The following JHY variants were observed in gnomAD, a reference collection of about 807,000 sequenced individuals.
JHY encodes the protein jhy protein homolog.
JHY carries 69 observed loss-of-function variants against 78.0 expected under a neutral mutation model. The observed-to-expected ratio is 0.88, with a 90% CI of 0.73 to 1.08. The LOEUF (loss-of-function observed/expected upper bound fraction) is 1.08, where lower values mean the gene tolerates loss of function less well. Ranked by LOEUF, JHY falls within the 50% of genes least tolerant of loss-of-function variation. The pLI is 0.00. For missense variants in JHY, 944 were observed against 927.8 expected, an observed-to-expected ratio of 1.02 and a Z score of -0.23; for synonymous variants, 368 against 342.6, an observed-to-expected ratio of 1.07 and a Z score of -0.82.
rs1555053813 is a variant in JHY, at chr11:122,921,976, GA to G, written c.865-2911del. 9.5e-5 allele frequency among the ~76,000 whole-genome samples: 14 copies of G among 148,048 alleles called. No homozygotes were observed. In the East Asian group the frequency reaches 1.8e-3, roughly 19 times the overall value. ...AGCCTGGACCACAGAGCAAGATCTG[GA>G]AAAAAAAAAGAGAGAGAAAGAAGAG... On this transcript the variant is annotated intron_variant, in intron 3 of 8. Transcript: ENST00000227349.
rs1329006044 is a variant in JHY, at chr11:122,960,138, G to T, written c.*693G>T. 1.3e-5 allele frequency among the ~76,000 whole-genome samples: 2 copies of T among 152,134 alleles called. No individual in the cohort carries two copies. The highest frequency in any genetic ancestry group is 4.8e-5 in the African/African-American group (2 of 41,422). On this transcript the variant is annotated 3_prime_UTR_variant, in exon 9 of 9. Coordinates refer to ENST00000227349, the MANE Select transcript of JHY (RefSeq NM_024806.4). ...AGTTCCAGGTACTCAGGAGGCTGAG[G>T]CACAAGAATTGCTTGAACCCGGGAG...
chr11:122,931,467 C>G (rs1372668357), intron 4 of JHY, among the ~76,000 whole-genome samples: 2 of 152,306 alleles, frequency 1.3e-5, no homozygotes, highest in African/African-American at 4.8e-5. Context: ...TTCTATTCAT[C>G]TGAACACAGA....
chr11:122,919,606 T>G (rs991458167), intron 3 of JHY, among the ~76,000 whole-genome samples: 2 of 152,106 alleles, frequency 1.3e-5, no homozygotes, highest in Non-Finnish European at 2.9e-5. Context: ...GGTTTTTAAG[T>G]AGGTGACTGA....
At chr11:122,934,344 A>G in intron 4 of JHY, 76 bp from the exon 5 acceptor site, 2 of 703,370 alleles carry the variant, frequency 2.8e-6, no homozygotes, top group Non-Finnish European at 3.9e-6. Flanking sequence ...AAATAAATAA[A>G]TAAATAAATA....
Position 122,946,678 on chromosome 11 carries a change from A to G in JHY, c.1815A>G (p.Gln605=). 6 of 1,614,128 alleles carry G rather than the reference A, an allele frequency of 3.7e-6. No homozygotes were observed. Among genetic ancestry groups the G allele is most frequent in the African/African-American group, 1.3e-5 (1 of 75,036 alleles). Residue 605 remains glutamine (Q), a synonymous_variant, in exon 6 of 9, where the codon CAA becomes CAG. Coordinates refer to ENST00000227349, the MANE Select transcript of JHY (RefSeq NM_024806.4). ...TGTCAAGGGTAGAAAGTGAATCCCA[A>G]CTCAGTTCAGAGAGAAGCCAAAGAA... is the stretch of plus-strand genomic sequence containing the variant. ...PILSRVESES[Q]LSSERSQRNQ...
rs145596573 is a variant in JHY at position 122,945,783 on chromosome 11, T to C, written c.1635-715T>C. Among the ~76,000 whole-genome samples, 790 of 152,342 alleles carry C rather than the reference T, an allele frequency of 5.2e-3. 5 individuals are homozygous for C. Among genetic ancestry groups the C allele is most frequent in the Non-Finnish European group, 7.2e-3 (488 of 68,028 alleles). On this transcript the variant is annotated intron_variant, in intron 5 of 8. Coordinates refer to ENST00000227349, the MANE Select transcript of JHY (RefSeq NM_024806.4). Reference sequence around the variant, plus strand: ...AAATCCAAATATTGTCCTATAGATATTCACAAGAGCTTGTTGTTGTTGTTG... The same window carrying C: ...AAATCCAAATATTGTCCTATAGATACTCACAAGAGCTTGTTGTTGTTGTTG...
intron 2 of JHY, among the ~76,000 whole-genome samples, chr11:122,901,958 G>T (rs927279049): frequency 6.6e-6 from 1 of 151,940 alleles, no homozygotes; most frequent in East Asian, 1.9e-4. Flanking sequence ...CCCACACAGG[G>T]TTCGAATCAT....
chr11:122,892,235 G>A (rs1178496254), intron 2 of JHY, among the ~76,000 whole-genome samples: 2 of 151,920 alleles, frequency 1.3e-5, no homozygotes, highest in Non-Finnish European at 2.9e-5. Flanking sequence ...AAATTAATAG[G>A]AGGGAGATAG....
intron 6 of JHY, among the ~76,000 whole-genome samples, chr11:122,948,461 T>C (rs1211266196): frequency 1.3e-5 from 2 of 148,696 alleles, no homozygotes; most frequent in African/African-American, 2.5e-5. Context: ...ATAATAATAA[T>C]AATAATAATA....
intron 4 of JHY, among the ~76,000 whole-genome samples, chr11:122,928,006 C>T (rs1051641648): frequency 6.6e-6 from 1 of 152,174 alleles, no homozygotes; most frequent in Non-Finnish European, 1.5e-5. Flanking sequence ...GCTAGGATTA[C>T]AGGCGTGAGC....
chr11:122,952,703 T>G (rs1328471923), intron 6 of JHY, among the ~76,000 whole-genome samples: 1 of 152,232 alleles, frequency 6.6e-6, no homozygotes, highest in African/African-American at 2.4e-5. Flanking sequence ...TGTAAGTCAG[T>G]GGAATGATTA....
intron 3 of JHY, among the ~76,000 whole-genome samples, chr11:122,916,610 G>T (rs956951439): frequency 6.6e-6 from 1 of 151,918 alleles, no homozygotes; most frequent in Non-Finnish European, 1.5e-5. Flanking sequence ...GGTGTGTTTT[G>T]GTTTTTTGTT....
chr11:122,894,046 C>A (rs1386716519), intron 2 of JHY, among the ~76,000 whole-genome samples: 1 of 152,086 alleles, frequency 6.6e-6, no homozygotes, highest in African/African-American at 2.4e-5. Flanking sequence ...CTTGGCCAGG[C>A]GTGGTGGCTT....
chr11:122,929,249 T>C (rs1452069504), intron 4 of JHY, among the ~76,000 whole-genome samples: 1 of 151,960 alleles, frequency 6.6e-6, no homozygotes, highest in Non-Finnish European at 1.5e-5. Flanking sequence ...TGTTTTTTTT[T>C]TTTTTTAAAG....
rs1430759585 is a variant in JHY at position 122,907,988 on chromosome 11, G to A, written c.864+3544G>A. 4.6e-5 allele frequency among the ~76,000 whole-genome samples: 7 copies of A among 151,994 alleles called. No individual in the cohort carries two copies. The East Asian group carries it at 1.2e-3, about 25-fold the overall frequency. ...GCCAGGTTTGAGAAGCATTGTTCCA[G>A]AATAGAGCAGTGGTTCTCAGCCTTG... On this transcript the variant is annotated intron_variant, in intron 3 of 8. Coordinates refer to ENST00000227349, the MANE Select transcript of JHY (RefSeq NM_024806.4).
In JHY at chr11:122,963,122, T is replaced by C. The variant is rs1864347237; in HGVS notation, c.*3677T>C. 6.6e-6 allele frequency among the ~76,000 whole-genome samples: 1 copy of C among 152,190 alleles called. No homozygotes were observed. The highest frequency in any genetic ancestry group is 2.4e-5 in the African/African-American group (1 of 41,460). Reference sequence around the variant, plus strand: ...ATACACATATAAAGCAACTCAAACTTAGAAACTGACCAATAAAAGAGACAC... The same window carrying C: ...ATACACATATAAAGCAACTCAAACTCAGAAACTGACCAATAAAAGAGACAC... On this transcript the variant is annotated 3_prime_UTR_variant, in exon 9 of 9. Coordinates refer to ENST00000227349, the MANE Select transcript of JHY (RefSeq NM_024806.4).
rs1334024674 is a variant in JHY, at chr11:122,934,138, T to C, written c.979-282T>C. ...AAAAAAATCGTCTACTTTTTCTTTA[T>C]CTGCTTTCAGTTCTATGGTCACCTT... On this transcript the variant is annotated intron_variant, in intron 4 of 8. Coordinates refer to ENST00000227349, the MANE Select transcript of JHY (RefSeq NM_024806.4). 2.0e-5 allele frequency among the ~76,000 whole-genome samples: 3 copies of C among 152,068 alleles called. No homozygotes were observed. The East Asian group carries it at 5.8e-4, about 29-fold the overall frequency.
chr11:122,950,842 A>T (rs927411234), intron 6 of JHY, among the ~76,000 whole-genome samples: 1 of 152,116 alleles, frequency 6.6e-6, no homozygotes, highest in Non-Finnish European at 1.5e-5. Flanking sequence ...AGGAAGGAAA[A>T]TTTGCAATTG....
In JHY at chr11:122,957,811, TCA is replaced by T. The variant is rs113733119; in HGVS notation, c.2139+340_2139+341del. Among the ~76,000 whole-genome samples the T allele has an allele frequency of 6.8e-4, 102 of 149,708 alleles. No homozygotes were observed. The East Asian group carries it at 8.6e-3, about 13-fold the overall frequency. On this transcript the variant is annotated intron_variant, in intron 8 of 8. Coordinates refer to ENST00000227349, the MANE Select transcript of JHY (RefSeq NM_024806.4). Reference sequence around the variant, plus strand: ...CAATGCAATAGTGACACACACACAGTCACACACACACACACACACACTTTTGT... The same window carrying T: ...CAATGCAATAGTGACACACACACAGTCACACACACACACACACACTTTTGT...
Sources: allele counts gnomAD v4.1 joint callset (sites outside exome capture counted in the v4.1 genomes callset), GRCh38; gene constraint gnomAD v4.1.1; transcripts MANE v1.5; gene names NCBI Gene and HGNC (gene_info 2026-07-23, HGNC 2026-07-21).